PTPN2: variants seen among roughly 807,000 people sequenced by gnomAD.
PTPN2 encodes protein tyrosine phosphatase non-receptor type 2, also known as tyrosine-protein phosphatase non-receptor type 2.
A neutral mutation model predicts 57.3 loss-of-function variants in PTPN2; 19 were observed. That is an observed-to-expected ratio of 0.33 (90% CI 0.23 to 0.49). The LOEUF (loss-of-function observed/expected upper bound fraction) is 0.49. Ranked by LOEUF, PTPN2 falls within the 20% of genes least tolerant of loss-of-function variation. PTPN2 has a pLI of 0.99. For missense variants in PTPN2, 358 were observed against 501.1 expected (o/e 0.71, Z 2.73); for synonymous variants, 153 against 164.9 (o/e 0.93, Z 0.55).
intron 8 of PTPN2, among the ~76,000 whole-genome samples, chr18:12,795,807 T>C (rs1285467538): frequency 6.6e-6 from 1 of 152,206 alleles, no homozygotes; most frequent in Non-Finnish European, 1.5e-5. Flanking sequence ...TTACTATTTC[T>C]TCCATTCCCT....
Position 12,865,805 on chromosome 18 carries a change from C to T in PTPN2, c.70-6551G>A, listed in dbSNP as rs564278119. Among the ~76,000 whole-genome samples, 3 of 151,656 alleles carry T rather than the reference C, an allele frequency of 2.0e-5. No individual in the cohort carries two copies. In the South Asian group the frequency reaches 6.2e-4, roughly 32 times the overall value. ...TAACGCCACTGCACTCCAGCCCCAC[C>T]CCACTCCCAAAAAAAAAACCAAAAA... On this transcript the variant is annotated intron_variant, in intron 1 of 8. Coordinates refer to ENST00000309660, the MANE Select transcript of PTPN2 (RefSeq NM_002828.4).
chr18:12,879,405 T>C (rs2044595734), intron 1 of PTPN2, among the ~76,000 whole-genome samples: 2 of 152,178 alleles, frequency 1.3e-5, no homozygotes, highest in South Asian at 4.1e-4. Flanking sequence ...TATTTCAACC[T>C]CCACCTCTCT....
intron 1 of PTPN2, among the ~76,000 whole-genome samples, chr18:12,859,513 C>G (rs1480839548): frequency 6.6e-6 from 1 of 152,160 alleles, no homozygotes; most frequent in African/African-American, 2.4e-5. Flanking sequence ...AGTGGCAGTC[C>G]CAGCATTGAA....
In PTPN2 at chr18:12,817,863, G is replaced by A. The variant is rs151289809; in HGVS notation, c.496-498C>T. Among the ~76,000 whole-genome samples, 394 of 152,226 alleles carry A rather than the reference G, an allele frequency of 2.6e-3. 1 individual carries two copies. The highest frequency in any genetic ancestry group is 8.7e-3 in the African/African-American group (362 of 41,542). ...TTTTCTATTTTAAAAAATTTCTGCCGGGTGCAATGGCTCATGCCTGTAATC... is the reference window on the plus strand; with the variant it reads ...TTTTCTATTTTAAAAAATTTCTGCCAGGTGCAATGGCTCATGCCTGTAATC... On this transcript the variant is annotated intron_variant, in intron 5 of 8. Coordinates refer to ENST00000309660, the MANE Select transcript of PTPN2 (RefSeq NM_002828.4).
intron 6 of PTPN2, 47 bp downstream of exon 6, chr18:12,817,109 A>T (rs1267320187): frequency 6.5e-7 from 1 of 1,539,308 alleles, no homozygotes; most frequent in Non-Finnish European, 8.9e-7. Context: ...AAGCAATTTA[A>T]AAAAAAAAAT....
intron 1 of PTPN2, among the ~76,000 whole-genome samples, chr18:12,877,796 A>G (rs539640614): frequency 5.2e-4 from 78 of 151,454 alleles, no homozygotes; most frequent in Non-Finnish European, 9.0e-4. Context: ...TGGATCACAA[A>G]GTCAGGAGAT....
chr18:12,843,477 T>A (rs550370913), intron 2 of PTPN2, among the ~76,000 whole-genome samples: 35 of 152,264 alleles, frequency 2.3e-4, no homozygotes, highest in Non-Finnish European at 3.7e-4. Context: ...CAGCTGACTG[T>A]CCTGGACTCC....
At chr18:12,859,512 C>A (rs1252800938) in intron 1 of PTPN2, among the ~76,000 whole-genome samples, 1 of 152,172 alleles carries the variant, frequency 6.6e-6, no homozygotes, top group Non-Finnish European at 1.5e-5. Context: ...AAGTGGCAGT[C>A]CCAGCATTGA....
chr18:12,848,650 A>T (rs2043293173), intron 2 of PTPN2, among the ~76,000 whole-genome samples: 1 of 152,252 alleles, frequency 6.6e-6, no homozygotes, highest in South Asian at 2.1e-4. Context: ...AAGAGTAAAG[A>T]AGTTGCTTCT....
chr18:12,852,191 A>ATCACACACACAC (rs373307224), intron 2 of PTPN2, among the ~76,000 whole-genome samples: 1 of 140,410 alleles, frequency 7.1e-6, no homozygotes. Flanking sequence ...ATGGGTTTTT[A>ATCACACACACAC]ACACACACAC....
chr18:12,866,437 A>AAAAAC (rs200227789), intron 1 of PTPN2, among the ~76,000 whole-genome samples: 9,799 of 148,338 alleles, frequency 0.066, 373 homozygotes, highest in Middle Eastern at 0.082. Flanking sequence ...GACTCCTCTC[A>AAAAAC]AAAACAAAAC....
rs1292596558 is a variant in PTPN2 at position 12,884,044 on chromosome 18, G to A, written c.69+29C>T. 5 of 1,548,348 alleles carry A rather than the reference G, an allele frequency of 3.2e-6. No homozygotes were observed. The Admixed American group carries it at 7.8e-5, about 24-fold the overall frequency. The stretch of plus-strand genomic sequence containing the variant: ...ACGAGTCCGGGTCTCGGAGGAGGTC[G>A]GCGACTGCCGCGTGGGTCCGCGACT... On this transcript the variant is annotated intron_variant, in intron 1 of 8. Transcript: ENST00000309660.
chr18:12,876,563 T>C (rs1234837782), intron 1 of PTPN2, among the ~76,000 whole-genome samples: 2 of 152,216 alleles, frequency 1.3e-5, no homozygotes, highest in East Asian at 1.9e-4. Flanking sequence ...TCCGTAATTA[T>C]AGATATCAGT....
At chr18:12,879,918 G>C (rs1416686598) in intron 1 of PTPN2, among the ~76,000 whole-genome samples, 1 of 152,190 alleles carries the variant, frequency 6.6e-6, no homozygotes, top group Non-Finnish European at 1.5e-5. Flanking sequence ...AAACAAAGCA[G>C]AAAGCCACCT....
rs1339496215 is a variant in PTPN2 at position 12,881,187 on chromosome 18, C to T, written c.69+2886G>A. On this transcript the variant is annotated intron_variant, in intron 1 of 8. Coordinates refer to ENST00000309660, the MANE Select transcript of PTPN2 (RefSeq NM_002828.4). ...CAGTGGCTCATGCCTGTAATCCCAG[C>T]ACTTTGAGAGGCCGAGGCAGGCGGA... is the stretch of plus-strand genomic sequence containing the variant. Among the ~76,000 whole-genome samples the T allele has an allele frequency of 2.0e-5, 3 of 152,210 alleles. No individual in the cohort carries two copies. In the South Asian group the frequency reaches 6.2e-4, roughly 31 times the overall value.
Position 12,830,825 on chromosome 18 carries a change from T to C in PTPN2, c.360+118A>G, listed in dbSNP as rs1725261790. ...TTCCGGACAGAAACACTTTGACCGC[T>C]AGCCTTTAGCAATTAAAGGCCAAAA... On this transcript the variant is annotated intron_variant, in intron 4 of 8. Coordinates refer to ENST00000309660, the MANE Select transcript of PTPN2 (RefSeq NM_002828.4). The C allele has an allele frequency of 8.8e-6, 6 of 678,204 alleles. No homozygotes were observed. The South Asian group carries it at 1.2e-4, about 14-fold the overall frequency. The allele number at this position is 678,204 out of a possible 1,614,324, so 42.0% of individuals were successfully genotyped here. A position where few individuals can be genotyped will look rare whatever the true frequency, so the allele number is the denominator to read the frequency against.
chr18:12,833,154 C>T (rs1476994641), intron 3 of PTPN2, among the ~76,000 whole-genome samples: 1 of 152,168 alleles, frequency 6.6e-6, no homozygotes, highest in Admixed American at 6.5e-5. Context: ...AGCAATGCTA[C>T]CAATGTTCTT....
At chr18:12,810,706 A>G (rs2041862546) in intron 7 of PTPN2, among the ~76,000 whole-genome samples, 5 of 152,208 alleles carry the variant, frequency 3.3e-5, no homozygotes, top group Admixed American at 3.3e-4. Context: ...ACAGTTTGGT[A>G]CAATTTGTCT....
intron 8 of PTPN2, among the ~76,000 whole-genome samples, chr18:12,801,199 C>A (rs1228994893): frequency 2.0e-5 from 3 of 152,114 alleles, no homozygotes; most frequent in Non-Finnish European, 4.4e-5. Context: ...TACTAAATAC[C>A]CTCAGGTAAG....
Sources: gnomAD v4.1 joint callset for allele counts (sites outside exome capture counted in the v4.1 genomes callset) on GRCh38, gnomAD v4.1.1 for gene constraint, MANE v1.5 for transcripts, NCBI Gene and HGNC (gene_info 2026-07-23, HGNC 2026-07-21) for gene names.